Variants in ZNF385D observed in about 807,000 individuals in gnomAD.
ZNF385D encodes the protein zinc finger protein 659.
In ZNF385D, 15 loss-of-function variants were observed where a neutral mutation model predicts 35.8. The observed-to-expected ratio is 0.42, with a 90% CI of 0.28 to 0.64. The LOEUF (loss-of-function observed/expected upper bound fraction) is 0.64. Ranked by LOEUF, ZNF385D falls within the 30% of genes least tolerant of loss-of-function variation. The pLI is 0.23. For missense variants in ZNF385D, 474 were observed against 494.6 expected, an observed-to-expected ratio of 0.96 and a Z score of 0.39; for synonymous variants, 212 against 186.8, an observed-to-expected ratio of 1.13 and a Z score of -1.10.
chr3:21,551,403 C>G (rs767090617), intron 3 of ZNF385D, among the ~76,000 whole-genome samples: 5 of 152,182 alleles, frequency 3.3e-5, no homozygotes, highest in Non-Finnish European at 5.9e-5. Flanking sequence ...AGGAGTATGT[C>G]TCTTCTACCT....
chr3:22,062,624 G>A (rs1302420769), intron 3 of ZNF385D, among the ~76,000 whole-genome samples: 2 of 152,024 alleles, frequency 1.3e-5, no homozygotes, highest in Admixed American at 1.3e-4. Context: ...TGACCCCCTC[G>A]CCCCCAAAGA....
intron 3 of ZNF385D, among the ~76,000 whole-genome samples, chr3:21,855,509 T>C (rs1696659364): frequency 6.6e-6 from 1 of 152,054 alleles, no homozygotes; most frequent in African/African-American, 2.4e-5. Flanking sequence ...ATTCCATTGC[T>C]TTCCTATTTG....
chr3:22,192,720 C>T (rs73032322), intron 2 of ZNF385D, among the ~76,000 whole-genome samples: 19,054 of 152,116 alleles, frequency 0.13, 1,549 homozygotes, highest in Middle Eastern at 0.23. Context: ...TTCTGAACTC[C>T]AGACCTATAG....
At chr3:21,439,798 G>A (rs923497313) in intron 4 of ZNF385D, among the ~76,000 whole-genome samples, 1 of 152,004 alleles carries the variant, frequency 6.6e-6, no homozygotes, top group Non-Finnish European at 1.5e-5. Context: ...TCTGTGCCTA[G>A]GGGTTAGTGA....
At chr3:22,033,420 T>TAAC (rs1698129088) in intron 3 of ZNF385D, among the ~76,000 whole-genome samples, 1 of 133,414 alleles carries the variant, frequency 7.5e-6, no homozygotes, top group Non-Finnish European at 1.7e-5. Context: ...ATAATAATAA[T>TAAC]AATAATAATA....
intron 3 of ZNF385D, among the ~76,000 whole-genome samples, chr3:21,934,654 G>T (rs1313912121): frequency 2.0e-5 from 3 of 152,154 alleles, no homozygotes; most frequent in African/African-American, 7.2e-5. Context: ...ACTACAAATT[G>T]ATAATGCAAC....
intron 2 of ZNF385D, among the ~76,000 whole-genome samples, chr3:22,207,031 TAAAG>T (rs1307978916): frequency 6.6e-6 from 1 of 151,412 alleles, no homozygotes; most frequent in Non-Finnish European, 1.5e-5. Context: ...AATAAATAAA[TAAAG>T]AAGAGCCAAA....
At chr3:21,733,965 A>T (rs1336747901) in intron 1 of ZNF385D, among the ~76,000 whole-genome samples, 1 of 152,040 alleles carries the variant, frequency 6.6e-6, no homozygotes, top group Non-Finnish European at 1.5e-5. Context: ...TTCAAGACCA[A>T]ATTATTTAAT....
At chr3:21,548,137 A>G (rs1398853070) in intron 3 of ZNF385D, among the ~76,000 whole-genome samples, 1 of 152,080 alleles carries the variant, frequency 6.6e-6, no homozygotes, top group Non-Finnish European at 1.5e-5. Context: ...TTCACCCAAT[A>G]AAACCCTGCT....
intron 2 of ZNF385D, among the ~76,000 whole-genome samples, chr3:21,600,083 C>G (rs777715003): frequency 7.2e-5 from 11 of 152,172 alleles, no homozygotes; most frequent in Non-Finnish European, 1.6e-4. Flanking sequence ...TAACGGTTTA[C>G]AAATGCCATG....
chr3:21,819,304 A>G (rs928322437), intron 3 of ZNF385D, among the ~76,000 whole-genome samples: 19 of 151,876 alleles, frequency 1.3e-4, no homozygotes, highest in Admixed American at 9.2e-4. Context: ...AAGCTCTAGA[A>G]TTAATGAAAA....
chr3:21,624,812 C>G (rs1180946496), intron 2 of ZNF385D, among the ~76,000 whole-genome samples: 1 of 152,008 alleles, frequency 6.6e-6, no homozygotes, highest in African/African-American at 2.4e-5. Flanking sequence ...CACTCCGCAG[C>G]TGCCAAATGT....
chr3:22,340,441 T>A (rs1473364399), intron 2 of ZNF385D, among the ~76,000 whole-genome samples: 1 of 151,600 alleles, frequency 6.6e-6, no homozygotes, highest in Non-Finnish European at 1.5e-5. Flanking sequence ...AGGTCAGGAG[T>A]TTCAGACCAG....
chr3:22,217,978 T>C (rs576565986), intron 2 of ZNF385D, among the ~76,000 whole-genome samples: 6 of 152,288 alleles, frequency 3.9e-5, no homozygotes, highest in Admixed American at 1.3e-4. Flanking sequence ...GGTTCTCTTT[T>C]ACCTATAGGT....
intron 3 of ZNF385D, among the ~76,000 whole-genome samples, chr3:21,917,394 T>C (rs1236319856): frequency 6.6e-6 from 1 of 151,972 alleles, no homozygotes; most frequent in African/African-American, 2.4e-5. Context: ...ATCGGGCCAT[T>C]GCACTCCAGC....
intron 2 of ZNF385D, among the ~76,000 whole-genome samples, chr3:22,309,789 G>A (rs1399808801): frequency 6.6e-6 from 1 of 151,816 alleles, no homozygotes; most frequent in African/African-American, 2.4e-5. Flanking sequence ...ATCTACTATA[G>A]TATAGCCTTT....
intron 2 of ZNF385D, among the ~76,000 whole-genome samples, chr3:21,645,913 TG>T (rs369512951): frequency 4.1e-4 from 63 of 152,184 alleles, no homozygotes; most frequent in African/African-American, 1.4e-3. Context: ...GGTTTGTACT[TG>T]GTTATTTTAA....
chr3:21,600,437 C>A (rs954923822), intron 2 of ZNF385D, among the ~76,000 whole-genome samples: 2 of 152,080 alleles, frequency 1.3e-5, no homozygotes, highest in African/African-American at 2.4e-5. Context: ...AAAGGTTAAA[C>A]GATGCCTCTC....
At chr3:22,295,477 A>AT (rs11389948) in intron 2 of ZNF385D, among the ~76,000 whole-genome samples, 107,311 of 152,014 alleles carry the variant, frequency 0.71, 39,094 homozygotes, top group African/African-American at 0.89. Context: ...GAATAAAAAA[A>AT]GTTTGCAAAG....
Sources: gnomAD v4.1 joint callset for allele counts (sites outside exome capture counted in the v4.1 genomes callset) on GRCh38, gnomAD v4.1.1 for gene constraint, MANE v1.5 for transcripts, NCBI Gene and HGNC (gene_info 2026-07-23, HGNC 2026-07-21) for gene names.